TMEM150C: variants seen among roughly 807,000 people sequenced by gnomAD.
TMEM150C encodes tentonin 3.
TMEM150C carries 10 observed loss-of-function variants against 29.9 expected under a neutral mutation model. The ratio of observed to expected loss-of-function variants is 0.33; its 90% CI spans 0.21 to 0.57. TMEM150C has a LOEUF of 0.57. TMEM150C is among the 20% of genes least tolerant of loss of function. TMEM150C has a pLI of 0.88. For missense variants in TMEM150C, 251 were observed against 303.6 expected (o/e 0.83, Z 1.29); for synonymous variants, 101 against 112.5 (o/e 0.90, Z 0.64).
In TMEM150C at chr4:82,497,811, G is replaced by A. The variant is rs74684826; in HGVS notation, c.236-1616C>T. On this transcript the variant is annotated intron_variant, in intron 5 of 7. Transcript: ENST00000449862. ...CTAGAGGATGAAAAATAGGCACAAC[G>A]TCTTATTAATTTTAGGATAGGAGTA... 1.5e-3 allele frequency among the ~76,000 whole-genome samples: 226 copies of A among 152,224 alleles called. 1 individual carries two copies. Among genetic ancestry groups the A allele is most frequent in the Middle Eastern group, 6.8e-3 (2 of 294 alleles).
chr4:82,555,547 C>T (rs1413717261), intron 1 of TMEM150C, among the ~76,000 whole-genome samples: 1 of 152,206 alleles, frequency 6.6e-6, no homozygotes, highest in Non-Finnish European at 1.5e-5. Flanking sequence ...TCCCCTATCA[C>T]CCATCAGGCC....
intron 1 of TMEM150C, among the ~76,000 whole-genome samples, chr4:82,510,935 T>G (rs1724102909): frequency 6.6e-6 from 1 of 152,218 alleles, no homozygotes; most frequent in Admixed American, 6.5e-5. Flanking sequence ...ATCTTATCAT[T>G]CATTTGTAAT....
rs769360977 is a variant in TMEM150C, at chr4:82,503,043, C to T, written c.134+16G>A. ...ATCTCTTGATGAACAACGAATTACCCACAGATAAACTTTACCTTTCAGCTG... is the reference window on the plus strand; with the variant it reads ...ATCTCTTGATGAACAACGAATTACCTACAGATAAACTTTACCTTTCAGCTG... On this transcript the variant is annotated intron_variant, in intron 3 of 7. Transcript: ENST00000449862. 6.2e-7 allele frequency: 1 copy of T among 1,611,934 alleles called. No individual in the cohort carries two copies. Among genetic ancestry groups the T allele is most frequent in the Non-Finnish European group, 8.5e-7 (1 of 1,179,036 alleles).
chr4:82,555,454 T>C (rs981101187), intron 1 of TMEM150C, among the ~76,000 whole-genome samples: 1 of 152,166 alleles, frequency 6.6e-6, no homozygotes, highest in Non-Finnish European at 1.5e-5. Context: ...TTTGGGCATA[T>C]AGCTGTTTTT....
chr4:82,532,774 G>A (rs1176723059), intron 1 of TMEM150C, among the ~76,000 whole-genome samples: 2 of 151,428 alleles, frequency 1.3e-5, no homozygotes, highest in Non-Finnish European at 2.9e-5. Context: ...TGCAGCCCAG[G>A]CTGGAGTGCA....
chr4:82,555,643 A>C (rs1725712688), intron 1 of TMEM150C, among the ~76,000 whole-genome samples: 1 of 152,186 alleles, frequency 6.6e-6, no homozygotes, highest in South Asian at 2.1e-4. Context: ...AGTTTTGTAG[A>C]TGTACATCTA....
intron 6 of TMEM150C, chr4:82,491,321 C>T: frequency 1.5e-6 from 1 of 667,694 alleles, no homozygotes; most frequent in Non-Finnish European, 2.7e-6. Flanking sequence ...CTGGTCTGTA[C>T]CTGTGGGCTA....
chr4:82,514,803 C>T (rs1440846453), intron 1 of TMEM150C, among the ~76,000 whole-genome samples: 6 of 152,178 alleles, frequency 3.9e-5, no homozygotes, highest in East Asian at 1.9e-4. Flanking sequence ...ACACGATGAC[C>T]GGAAGACAGG....
At chr4:82,533,369 A>G (rs73833111) in intron 1 of TMEM150C, among the ~76,000 whole-genome samples, 6,821 of 152,314 alleles carry the variant, frequency 0.045, 506 homozygotes, top group African/African-American at 0.16. Flanking sequence ...AATTATGGAA[A>G]GCTACTCAAA....
intron 1 of TMEM150C, among the ~76,000 whole-genome samples, chr4:82,541,517 C>A (rs550390400): frequency 6.6e-6 from 1 of 152,292 alleles, no homozygotes; most frequent in East Asian, 1.9e-4. Flanking sequence ...CTAGCAACAA[C>A]ATTTTATTTC....
intron 5 of TMEM150C, among the ~76,000 whole-genome samples, chr4:82,499,966 G>C (rs1054935925): frequency 1.3e-5 from 2 of 152,244 alleles, no homozygotes; most frequent in East Asian, 3.9e-4. Context: ...GAAGGAGGGA[G>C]AGTGGCTGCT....
intron 1 of TMEM150C, among the ~76,000 whole-genome samples, chr4:82,550,284 T>A (rs756254309): frequency 6.6e-6 from 1 of 152,188 alleles, no homozygotes; most frequent in Non-Finnish European, 1.5e-5. Flanking sequence ...CCTGCAGCCA[T>A]GTAAGACGTG....
intron 1 of TMEM150C, among the ~76,000 whole-genome samples, chr4:82,551,082 G>A (rs1371789876): frequency 6.6e-6 from 1 of 152,092 alleles, no homozygotes; most frequent in African/African-American, 2.4e-5. Context: ...GAGAAAGGGA[G>A]GTACAGGAAG....
intron 2 of TMEM150C, among the ~76,000 whole-genome samples, chr4:82,503,740 C>T (rs367786310): frequency 2.0e-5 from 3 of 151,910 alleles, no homozygotes; most frequent in South Asian, 4.2e-4. Flanking sequence ...GTCCCATCTA[C>T]TTGGGAGGCT....
rs527967958 is a variant in TMEM150C, at chr4:82,486,335, T to TAAAAAAAAAAAAAAAAAAA, written c.542-635_542-617dup. Among the ~76,000 whole-genome samples the TAAAAAAAAAAAAAAAAAAA allele has an allele frequency of 3.9e-5, 2 of 51,284 alleles. 1 individual carries two copies. Among genetic ancestry groups the TAAAAAAAAAAAAAAAAAAA allele is most frequent in the African/African-American group, 1.8e-4 (2 of 11,132 alleles). The allele number at this position is 51,284 out of a possible 152,430, so 33.6% of individuals were successfully genotyped here. A position where few individuals can be genotyped will look rare whatever the true frequency, so the allele number is the denominator to read the frequency against. Reference sequence around the variant, plus strand: ...TGGTGGACAGAGCGAGACTCCATCTTAAAAAAAAAAAAAAAAAAAAAAAAA... The same window carrying TAAAAAAAAAAAAAAAAAAA: ...TGGTGGACAGAGCGAGACTCCATCTTAAAAAAAAAAAAAAAAAAAAAAAAAAAAAAAAAAAAAAAAAAAA... On this transcript the variant is annotated intron_variant, in intron 7 of 7. Transcript: ENST00000449862.
intron 1 of TMEM150C, among the ~76,000 whole-genome samples, chr4:82,515,151 T>C (rs1216624097): frequency 6.6e-6 from 1 of 152,190 alleles, no homozygotes; most frequent in African/African-American, 2.4e-5. Context: ...AACCTTACTC[T>C]GGTGAATCCA....
intron 7 of TMEM150C, among the ~76,000 whole-genome samples, chr4:82,486,361 A>AAAG (rs1553904913): frequency 1.1e-3 from 169 of 150,810 alleles, no homozygotes; most frequent in African/African-American, 3.9e-3. Flanking sequence ...AAAAAAAAAA[A>AAAG]AAGAAGAAAG....
chr4:82,540,796 A>G (rs1225159607), intron 1 of TMEM150C, among the ~76,000 whole-genome samples: 2 of 152,214 alleles, frequency 1.3e-5, no homozygotes, highest in African/African-American at 4.8e-5. Flanking sequence ...AAACAAATTA[A>G]TATATGCATT....
intron 1 of TMEM150C, among the ~76,000 whole-genome samples, chr4:82,517,576 C>A (rs1405025467): frequency 6.6e-6 from 1 of 152,154 alleles, no homozygotes; most frequent in South Asian, 2.1e-4. Flanking sequence ...TCTTCTACTG[C>A]CCTTGGACAT....
Sources: allele counts gnomAD v4.1 joint callset (sites outside exome capture counted in the v4.1 genomes callset), GRCh38; gene constraint gnomAD v4.1.1; transcripts MANE v1.5; gene names NCBI Gene and HGNC (gene_info 2026-07-23, HGNC 2026-07-21).